Variants in REDIC1 observed in about 807,000 individuals in gnomAD.
The protein encoded by REDIC1 is HEI10 Interacting Protein 1.
At chr12:39,748,036 C>A in the REDIC1 span, among the ~76,000 whole-genome samples, 2 of 152,106 alleles carry the variant, frequency 1.3e-5, no homozygotes, top group Non-Finnish European at 2.9e-5. Context: ...GCAAAATAAC[C>A]AGCTAACATC....
the REDIC1 span, among the ~76,000 whole-genome samples, chr12:39,632,237 C>G: frequency 2.0e-5 from 3 of 151,898 alleles, no homozygotes; most frequent in Non-Finnish European, 4.4e-5. Context: ...GCTGGGATTA[C>G]AGGTACCCGA....
chr12:39,895,998 G>GTA, the REDIC1 span, among the ~76,000 whole-genome samples: 1 of 132,852 alleles, frequency 7.5e-6, no homozygotes, highest in Admixed American at 8.4e-5. Flanking sequence ...TCATATATGT[G>GTA]TATATATACA....
the REDIC1 span, among the ~76,000 whole-genome samples, chr12:39,889,813 A>AT: frequency 2.6e-5 from 4 of 152,132 alleles, no homozygotes; most frequent in Admixed American, 2.6e-4. Context: ...TACAGGTGTG[A>AT]GCCACCAGGC....
the REDIC1 span, among the ~76,000 whole-genome samples, chr12:39,763,550 T>C: frequency 7.9e-5 from 12 of 152,018 alleles, no homozygotes; most frequent in Non-Finnish European, 1.6e-4. Flanking sequence ...TATAGTCTAC[T>C]AGAGAGAGCT....
the REDIC1 span, among the ~76,000 whole-genome samples, chr12:39,893,388 C>T: frequency 7.3e-3 from 1,118 of 152,364 alleles, 12 homozygotes; most frequent in African/African-American, 0.026. Flanking sequence ...CAACCTCCGC[C>T]TCCCAGGTTC....
At chr12:39,772,249 G>A in the REDIC1 span, among the ~76,000 whole-genome samples, 1 of 152,106 alleles carries the variant, frequency 6.6e-6, no homozygotes, top group East Asian at 1.9e-4. Context: ...TCCCTTACCA[G>A]CTTTGTAACT....
the REDIC1 span, among the ~76,000 whole-genome samples, chr12:39,730,540 TG>T: frequency 6.6e-6 from 1 of 152,236 alleles, no homozygotes; most frequent in Non-Finnish European, 1.5e-5. Context: ...GTTAGTCTGA[TG>T]GGCTTCCCTT....
chr12:39,744,563 G>A, the REDIC1 span, among the ~76,000 whole-genome samples: 12 of 152,148 alleles, frequency 7.9e-5, no homozygotes, highest in East Asian at 1.9e-4. Context: ...TAGGAATAGC[G>A]TAAGGCACTT....
the REDIC1 span, among the ~76,000 whole-genome samples, chr12:39,660,583 T>C: frequency 6.6e-6 from 1 of 152,144 alleles, no homozygotes; most frequent in Non-Finnish European, 1.5e-5. Flanking sequence ...GTTGCATGCA[T>C]GGAATGTGTA....
At chr12:39,877,223 G>A in the REDIC1 span, among the ~76,000 whole-genome samples, 1 of 152,138 alleles carries the variant, frequency 6.6e-6, no homozygotes, top group East Asian at 1.9e-4. Flanking sequence ...GAGGTTGAAT[G>A]GACTCAGAGT....
At chr12:39,878,802 T>G in the REDIC1 span, among the ~76,000 whole-genome samples, 1 of 152,148 alleles carries the variant, frequency 6.6e-6, no homozygotes, top group Non-Finnish European at 1.5e-5. Flanking sequence ...GCTAGAGAAA[T>G]TTGCATAACT....
chr12:39,659,826 AT>A, the REDIC1 span, among the ~76,000 whole-genome samples: 2 of 151,906 alleles, frequency 1.3e-5, no homozygotes, highest in Non-Finnish European at 2.9e-5. Flanking sequence ...TACATTATGA[AT>A]TTTTATTTTT....
chr12:39,643,471 TTC>T, the REDIC1 span, among the ~76,000 whole-genome samples: 6 of 151,708 alleles, frequency 4.0e-5, no homozygotes, highest in Non-Finnish European at 7.4e-5. Flanking sequence ...GTCAGAATTG[TTC>T]TGTTACCAGA....
the REDIC1 span, among the ~76,000 whole-genome samples, chr12:39,664,226 TC>T: frequency 7.8e-6 from 1 of 128,186 alleles, no homozygotes. Flanking sequence ...CCCTATACCC[TC>T]CCCCCACCCC....
chr12:39,727,712 G>A, the REDIC1 span, among the ~76,000 whole-genome samples: 1 of 130,382 alleles, frequency 7.7e-6, no homozygotes, highest in Non-Finnish European at 1.8e-5. Context: ...TGTGTTATGG[G>A]GATATCATTG....
chr12:39,798,879 TA>T, the REDIC1 span, among the ~76,000 whole-genome samples: 1 of 151,782 alleles, frequency 6.6e-6, no homozygotes, highest in African/African-American at 2.4e-5. Context: ...TTATATAATA[TA>T]AAAATAATTT....
At chr12:39,664,310 G>A in the REDIC1 span, among the ~76,000 whole-genome samples, 1 of 149,066 alleles carries the variant, frequency 6.7e-6, no homozygotes, top group African/African-American at 2.5e-5. Flanking sequence ...CCACCTATGA[G>A]TGAGAACATG....
chr12:39,639,383 C>T, the REDIC1 span, among the ~76,000 whole-genome samples: 1 of 151,914 alleles, frequency 6.6e-6, no homozygotes, highest in Non-Finnish European at 1.5e-5. Context: ...AGGGTTGAGC[C>T]TGGTTAGTTC....
the REDIC1 span, among the ~76,000 whole-genome samples, chr12:39,641,863 A>C: frequency 6.6e-6 from 1 of 151,738 alleles, no homozygotes; most frequent in Non-Finnish European, 1.5e-5. Flanking sequence ...ATCCCCTTTT[A>C]TATTGCATCC....
Sources: gnomAD v4.1 joint callset for allele counts (sites outside exome capture counted in the v4.1 genomes callset) on GRCh38, gnomAD v4.1.1 for gene constraint, MANE v1.5 for transcripts, NCBI Gene and HGNC (gene_info 2026-07-23, HGNC 2026-07-21) for gene names.